ZNF142: variants seen among roughly 807,000 people sequenced by gnomAD.
ZNF142 encodes zinc finger protein 142 (clone pHZ-49).
ZNF142 carries 96 observed loss-of-function variants against 132.1 expected under a neutral mutation model. The observed-to-expected ratio is 0.73, with a 90% CI of 0.62 to 0.86. The LOEUF (loss-of-function observed/expected upper bound fraction) is 0.86, where lower values mean the gene tolerates loss of function less well. ZNF142 is among the 40% of genes least tolerant of loss of function. The probability of loss-of-function intolerance (pLI) is 0.00; values close to 1 mark genes in which losing one functional copy is unlikely to be tolerated. For missense variants in ZNF142, 2,163 were observed against 2,336.2 expected, an observed-to-expected ratio of 0.93 and a Z score of 1.53; for synonymous variants, 842 against 890.1, an observed-to-expected ratio of 0.95 and a Z score of 0.96.
Position 218,644,604 on chromosome 2 carries a change from C to T in ZNF142, c.2512G>A (p.Glu838Lys), listed in dbSNP as rs747947948. 3 of 1,614,210 alleles carry T rather than the reference C, an allele frequency of 1.9e-6. No individual in the cohort carries two copies. Among genetic ancestry groups the T allele is most frequent in the Non-Finnish European group, 2.5e-6 (3 of 1,180,046 alleles). Residue 838 changes from glutamate to lysine, a missense_variant, in exon 9 of 11, where the codon GAG becomes AAG. Physicochemically the swap from Glu to Lys is moderately conservative, Grantham distance 56. Coordinates refer to ENST00000411696, the MANE Select transcript of ZNF142 (RefSeq NM_001379659.1). This position sits in a 1 kb window ranked among gnomAD's most constrained non-coding sequence, Gnocchi z 4.6. The stretch of plus-strand genomic sequence containing the variant: ...GTCCCAGGTTCGTGACCTGGCCCCT[C>T]AGGTCGGGCTGACAGCTGGTTTGAG... ...EPSNQLSARP[E>K]GPGHEPGTVV...
intron 4 of ZNF142, among the ~76,000 whole-genome samples, chr2:218,653,575 C>CAA (rs34491963): frequency 6.2e-5 from 9 of 144,836 alleles, no homozygotes; most frequent in East Asian, 2.0e-4. Flanking sequence ...AACTCTATCT[C>CAA]AAAAAAAAAA....
chr2:218,636,213 C>T lies in ZNF142; in HGVS notation c.*2126G>A. On this transcript the variant is annotated 3_prime_UTR_variant, in exon 11 of 11. Transcript: ENST00000411696. ...CCAGTCAAGAAAACTGTCATAATGT[C>T]TTCTTATTTCTTTCTGTCCACCAAC... The T allele has an allele frequency of 6.3e-7, 1 of 1,598,364 alleles. No individual in the cohort carries two copies. Among genetic ancestry groups the T allele is most frequent in the Non-Finnish European group, 8.6e-7 (1 of 1,165,830 alleles).
rs766239804 is a variant in ZNF142 at position 218,646,327 on chromosome 2, T to TACC, written c.1894_1895insGGT (p.Glu632delinsGlyTer). On this transcript the variant is annotated stop_gained and protein_altering_variant, in exon 8 of 11. Coordinates refer to ENST00000411696, the MANE Select transcript of ZNF142 (RefSeq NM_001379659.1). LOFTEE classifies it high-confidence loss of function. ...GTCTCGGCATGTGAAGTCACACAGC[T>TACC]CACACTTGTGGGGCTTCTCACCTTA... The TACC allele has an allele frequency of 6.2e-7, 1 of 1,614,138 alleles. No homozygotes were observed. Among genetic ancestry groups the TACC allele is most frequent in the African/African-American group, 1.3e-5 (1 of 75,026 alleles).
chr2:218,643,013 C>T lies in ZNF142; in HGVS notation c.4103G>A (p.Arg1368Gln), dbSNP rs550558712. The T allele has an allele frequency of 2.5e-5, 40 of 1,604,962 alleles. No individual in the cohort carries two copies. In the Admixed American group the frequency reaches 4.5e-4, roughly 18 times the overall value. ...HPTAAPARGP[R>Q]PHLQCGDCGF... is the part of the protein sequence containing the mutation. ...ACAGTCCCCACACTGTAGATGGGGC[C>T]GGGGCCCACGGGCTGGGGCTGCAGT... The change falls in exon 9 of 11, where the codon CGG (arginine) becomes CAG (glutamine). Residue 1368 changes from arginine (R) to glutamine (Q), a missense_variant. By Grantham distance (43) the Arg-to-Gln change is conservative (BLOSUM62 1). This residue lies in a region of ZNF142 where 809 missense variants were observed against 801.7 expected (regional missense o/e 1.01). Coordinates refer to ENST00000411696, the MANE Select transcript of ZNF142 (RefSeq NM_001379659.1).
At chr2:218,654,479 G>A (rs1289394667) in intron 4 of ZNF142, among the ~76,000 whole-genome samples, 2 of 151,020 alleles carry the variant, frequency 1.3e-5, no homozygotes, top group African/African-American at 4.9e-5. Flanking sequence ...CAATTCTCCT[G>A]CCTCAGCCTC....
In ZNF142 at chr2:218,656,360, G is replaced by A; in HGVS notation, c.70C>T (p.Leu24=). ...GAGAGAGGCGGGGGGATCAGCAATAGCTCAGGGCACAGTCCATCCATCTCC... is the reference window on the plus strand; with the variant it reads ...GAGAGAGGCGGGGGGATCAGCAATAACTCAGGGCACAGTCCATCCATCTCC... The part of the protein sequence containing the change: ...TGEMDGLCPE[L]LLIPPPLSNR... The change falls in exon 4 of 11, where the codon CTA becomes TTA. Residue 24 remains leucine (L), a synonymous_variant. Transcript: ENST00000411696. 6.4e-7 allele frequency: 1 copy of A among 1,563,894 alleles called. No individual in the cohort carries two copies. The highest frequency in any genetic ancestry group is 8.7e-7 in the Non-Finnish European group (1 of 1,149,322).
chr2:218,640,467 CA>C, intron 10 of ZNF142, among the ~76,000 whole-genome samples, 196 bp downstream of exon 10: 1 of 152,292 alleles, frequency 6.6e-6, no homozygotes, highest in East Asian at 1.9e-4. Flanking sequence ...CCCAGGCTCT[CA>C]GGTTTACCCT....
Position 218,642,187 on chromosome 2 carries a change from C to T in ZNF142, c.4929G>A (p.Val1643=). 6.2e-7 allele frequency: 1 copy of T among 1,614,230 alleles called. No homozygotes were observed. Among genetic ancestry groups the T allele is most frequent in the Non-Finnish European group, 8.5e-7 (1 of 1,180,046 alleles). Residue 1643 remains valine (V), a synonymous_variant, in exon 9 of 11, where the codon GTG becomes GTA. Transcript: ENST00000411696. This position sits in a 1 kb window ranked among gnomAD's most constrained non-coding sequence, Gnocchi z 4.6. ...CRHQLVLDHH[V]KGHGGTRLYK... is the part of the protein sequence containing the mutation. ...AGAGACGAGTGCCCCCATGCCCTTTCACATGGTGATCTAGTACCAGCTGAT... is the reference window on the plus strand; with the variant it reads ...AGAGACGAGTGCCCCCATGCCCTTTTACATGGTGATCTAGTACCAGCTGAT...
chr2:218,648,444 G>A (rs1937640100), intron 7 of ZNF142, among the ~76,000 whole-genome samples, 191 bp downstream of exon 7: 1 of 152,186 alleles, frequency 6.6e-6, no homozygotes, highest in Admixed American at 6.5e-5. Flanking sequence ...CAGACTGCAT[G>A]GATTCAAATC....
intron 3 of ZNF142, among the ~76,000 whole-genome samples, chr2:218,658,277 G>C (rs1009221348): frequency 6.6e-6 from 1 of 152,064 alleles, no homozygotes; most frequent in Non-Finnish European, 1.5e-5. Flanking sequence ...CGGTGGCTCA[G>C]GCCTGTAATC....
chr2:218,643,174 CT>C lies in ZNF142; in HGVS notation c.3941del (p.Gln1314ArgfsTer6), dbSNP rs1480981757. ...GGTGAGTCCTCAGAGCCCGTTCCTG[CT>C]GGCAGCTAAAGGGACATGTAGGGCA... ...FSCPTCPFSC[Q>X]QERALRTHQI... On this transcript the variant is annotated frameshift_variant, in exon 9 of 11. Transcript: ENST00000411696. LOFTEE classifies it high-confidence loss of function. The C allele has an allele frequency of 6.2e-7, 1 of 1,614,138 alleles. No homozygotes were observed. The highest frequency in any genetic ancestry group is 1.3e-5 in the African/African-American group (1 of 74,952).
chr2:218,644,113 C>T lies in ZNF142; in HGVS notation c.3003G>A (p.Glu1001=), dbSNP rs201154210. 61 of 1,614,092 alleles carry T rather than the reference C, an allele frequency of 3.8e-5. No individual in the cohort carries two copies. The highest frequency in any genetic ancestry group is 2.0e-4 in the Admixed American group (12 of 60,020). Reference sequence around the variant, plus strand: ...GTCTCCTTAGGGCCTTGAGTAATGACTCTGACTCAGGTAATGGGGGCAAGG... The same window carrying T: ...GTCTCCTTAGGGCCTTGAGTAATGATTCTGACTCAGGTAATGGGGGCAAGG... ...TAPLPPLPES[E]SLLKALRRQD... The change falls in exon 9 of 11, where the codon GAG becomes GAA. Residue 1001 remains glutamate (E), a synonymous_variant. Transcript: ENST00000411696. The surrounding 1 kb of genome is among the most constrained non-coding windows in gnomAD (Gnocchi z 4.6).
rs539871456 is a variant in ZNF142 at position 218,649,695 on chromosome 2, C to G, written c.1049-236G>C. Reference sequence around the variant, plus strand: ...GTGACAGCCTGTTTGAAGTGCTTTACTCAGCTACCTGCTCTTCTTGAGCCT... The same window carrying G: ...GTGACAGCCTGTTTGAAGTGCTTTAGTCAGCTACCTGCTCTTCTTGAGCCT... On this transcript the variant is annotated intron_variant, in intron 6 of 10. Coordinates refer to ENST00000411696, the MANE Select transcript of ZNF142 (RefSeq NM_001379659.1). Among the ~76,000 whole-genome samples the G allele has an allele frequency of 5.9e-5, 9 of 152,322 alleles. No individual in the cohort carries two copies. In the South Asian group the frequency reaches 1.7e-3, roughly 28 times the overall value.
intron 4 of ZNF142, 56 bp downstream of exon 4, chr2:218,656,094 C>A: frequency 7.0e-7 from 1 of 1,438,526 alleles, no homozygotes; most frequent in South Asian, 1.7e-5. Flanking sequence ...AAAAATAACC[C>A]AGACAAAACC....
Position 218,655,776 on chromosome 2 carries a change from G to T in ZNF142, c.280+374C>A, listed in dbSNP as rs1054503574. Among the ~76,000 whole-genome samples, 3 of 152,314 alleles carry T rather than the reference G, an allele frequency of 2.0e-5. No individual in the cohort carries two copies. In the East Asian group the frequency reaches 5.8e-4, roughly 29 times the overall value. On this transcript the variant is annotated intron_variant, in intron 4 of 10. Coordinates refer to ENST00000411696, the MANE Select transcript of ZNF142 (RefSeq NM_001379659.1). ...TGCCAAGCCCAGGGTGGTAGAGACAGGGTTTTTGCTTAATCCCTGGCTGCA... is the reference window on the plus strand; with the variant it reads ...TGCCAAGCCCAGGGTGGTAGAGACATGGTTTTTGCTTAATCCCTGGCTGCA...
rs1298638605 is a variant in ZNF142, at chr2:218,646,266, G to A, written c.1956C>T (p.Ser652=). ...SYLSKHMLTH[S]NTKDYMCTEC... ...CAGTGCACATGTAATCCTTGGTGTT[G>A]GAGTGGGTCAGCATGTGCTTGGATA... Residue 652 remains serine (S), a synonymous_variant, in exon 8 of 11, where the codon TCC becomes TCT. Transcript: ENST00000411696. The A allele has an allele frequency of 8.7e-6, 14 of 1,614,088 alleles. No homozygotes were observed.
In ZNF142 at chr2:218,635,982, T is replaced by C; in HGVS notation, c.*2357A>G. 1 of 1,612,276 alleles carries C rather than the reference T, an allele frequency of 6.2e-7. No individual in the cohort carries two copies. The highest frequency in any genetic ancestry group is 1.7e-5 in the Admixed American group (1 of 59,936). Reference sequence around the variant, plus strand: ...GTGGGGGTAGGAGCATGATTAGTTTTCCTTCTAGTCTGTCTTCCATTAAGT... The same window carrying C: ...GTGGGGGTAGGAGCATGATTAGTTTCCCTTCTAGTCTGTCTTCCATTAAGT... On this transcript the variant is annotated 3_prime_UTR_variant, in exon 11 of 11. Coordinates refer to ENST00000411696, the MANE Select transcript of ZNF142 (RefSeq NM_001379659.1).
rs1212448262 is a variant in ZNF142 at position 218,638,084 on chromosome 2, T to C, written c.*255A>G. On this transcript the variant is annotated 3_prime_UTR_variant, in exon 11 of 11. Coordinates refer to ENST00000411696, the MANE Select transcript of ZNF142 (RefSeq NM_001379659.1). The stretch of plus-strand genomic sequence containing the variant: ...ATAGCCAGGGACTTTGATGGAGTGA[T>C]GGTGAAGAAACTGAGAACTTGCAGG... 2.8e-6 allele frequency: 1 copy of C among 351,856 alleles called. No individual in the cohort carries two copies. Among genetic ancestry groups the C allele is most frequent in the Admixed American group, 4.7e-5 (1 of 21,250 alleles). 21.8% of individuals were successfully genotyped at this position (351,856 alleles called of 1,614,324 possible).
At chr2:218,641,793 T>C (rs1314175150) in intron 9 of ZNF142, among the ~76,000 whole-genome samples, 3 of 152,150 alleles carry the variant, frequency 2.0e-5, no homozygotes, top group Non-Finnish European at 1.5e-5. Flanking sequence ...TAACTTGGTA[T>C]CTCAAAGTGT....
Sources: allele counts gnomAD v4.1 joint callset (sites outside exome capture counted in the v4.1 genomes callset), GRCh38; gene constraint gnomAD v4.1.1; regional missense constraint gnomAD v4.1.1; non-coding constraint Gnocchi (gnomAD v3.1); transcripts MANE v1.5; gene names NCBI Gene and HGNC (gene_info 2026-07-23, HGNC 2026-07-21).